SLC41A2: variants seen among roughly 807,000 people sequenced by gnomAD.
SLC41A2 encodes the protein SLC41A1-like 1.
SLC41A2 carries 32 observed loss-of-function variants against 58.3 expected under a neutral mutation model. The observed-to-expected ratio is 0.55, with a 90% CI of 0.41 to 0.74. The LOEUF (loss-of-function observed/expected upper bound fraction) is 0.74, where lower values mean the gene tolerates loss of function less well. Ranked by LOEUF, SLC41A2 falls within the 30% of genes least tolerant of loss-of-function variation. SLC41A2 has a pLI of 0.00. For synonymous variants in SLC41A2, 190 were observed against 235.0 expected (o/e 0.81, Z 1.75); for missense variants, 514 against 680.6 (o/e 0.76, Z 2.72).
chr12:104,915,685 T>C (rs2046285260), intron 2 of SLC41A2, among the ~76,000 whole-genome samples: 1 of 152,214 alleles, frequency 6.6e-6, no homozygotes, highest in African/African-American at 2.4e-5. Context: ...ATAATGGGGT[T>C]TTCTAGATAT....
chr12:104,936,745 G>C (rs1401978367), intron 1 of SLC41A2, among the ~76,000 whole-genome samples: 2 of 152,054 alleles, frequency 1.3e-5, no homozygotes, highest in Non-Finnish European at 2.9e-5. Flanking sequence ...TTTGGGTAGG[G>C]ACACAGAGCC....
chr12:104,817,595 CT>C (rs1041123286), intron 10 of SLC41A2, among the ~76,000 whole-genome samples: 7 of 150,562 alleles, frequency 4.6e-5, no homozygotes, highest in African/African-American at 9.8e-5. Context: ...TGCCTCTCCT[CT>C]TTTTTTTTCT....
intron 6 of SLC41A2, among the ~76,000 whole-genome samples, chr12:104,882,240 C>T (rs1321423032): frequency 6.6e-6 from 1 of 152,062 alleles, no homozygotes; most frequent in Admixed American, 6.5e-5. Context: ...CTCCTGAATA[C>T]AGCACACTGA....
chr12:104,834,805 C>T (rs897451662), intron 10 of SLC41A2, among the ~76,000 whole-genome samples: 6 of 152,190 alleles, frequency 3.9e-5, no homozygotes, highest in African/African-American at 1.2e-4. Flanking sequence ...AAATAAGACT[C>T]CAAGGAATAA....
At chr12:104,839,782 C>T (rs1404468079) in intron 10 of SLC41A2, among the ~76,000 whole-genome samples, 1 of 152,180 alleles carries the variant, frequency 6.6e-6, no homozygotes, top group Non-Finnish European at 1.5e-5. Context: ...GGGTTACAGG[C>T]GTAAGCCACT....
At chr12:104,955,428 A>G (rs2048125617) in intron 1 of SLC41A2, among the ~76,000 whole-genome samples, 1 of 152,170 alleles carries the variant, frequency 6.6e-6, no homozygotes, top group African/African-American at 2.4e-5. Flanking sequence ...TGTCTTCAGC[A>G]AGAATCCTGT....
chr12:104,827,398 C>T (rs1187165117), intron 10 of SLC41A2, among the ~76,000 whole-genome samples: 2 of 152,138 alleles, frequency 1.3e-5, no homozygotes, highest in African/African-American at 4.8e-5. Context: ...CCCAGGCAAG[C>T]CTACAAACCC....
chr12:104,860,936 C>CA (rs1428508126), intron 8 of SLC41A2, among the ~76,000 whole-genome samples: 1 of 152,002 alleles, frequency 6.6e-6, no homozygotes, highest in Non-Finnish European at 1.5e-5. Context: ...AATTTATCCA[C>CA]AAAAATTGAC....
chr12:104,875,155 C>T (rs1169887458), intron 6 of SLC41A2, among the ~76,000 whole-genome samples: 3 of 152,038 alleles, frequency 2.0e-5, no homozygotes, highest in Non-Finnish European at 4.4e-5. Context: ...GGGATGAATC[C>T]CACTTGGTCA....
At chr12:104,866,867 A>T (rs1163562770) in intron 6 of SLC41A2, among the ~76,000 whole-genome samples, 1 of 152,158 alleles carries the variant, frequency 6.6e-6, no homozygotes, top group African/African-American at 2.4e-5. Context: ...TAACAGTAAA[A>T]AAGCTAACAT....
chr12:104,917,215 C>T (rs1328319870), intron 2 of SLC41A2, among the ~76,000 whole-genome samples: 164 of 152,058 alleles, frequency 1.1e-3, no homozygotes, highest in Non-Finnish European at 2.0e-3. Context: ...CCAAAAAACA[C>T]GTGAAAAAAT....
Position 104,928,518 on chromosome 12 carries a change from T to C in SLC41A2, c.10A>G (p.Ser4Gly), listed in dbSNP as rs1381323882. Residue 4 changes from serine (S) to glycine (G), a missense_variant, in exon 2 of 11, where the codon AGT becomes GGT. Ser to Gly is a moderately conservative substitution (Grantham distance 56, BLOSUM62 0). Around this residue, in one of 3 missense-constraint regions of SLC41A2, gnomAD observed 336 missense variants for 430.0 expected, o/e 0.78. Transcript: ENST00000258538. MTN[S>G]KGRSITDKTS... ...TTATCGGTAATAGATCTTCCTTTAC[T>C]ATTAGTCATATTGTCATCACAAAAG... 4.0e-6 allele frequency: 6 copies of C among 1,498,888 alleles called. No individual in the cohort carries two copies. The highest frequency in any genetic ancestry group is 4.7e-5 in the Admixed American group (2 of 42,322). 92.8% of individuals were successfully genotyped at this position (1,498,888 alleles called of 1,614,324 possible).
At chr12:104,894,247 G>A (rs887938409) in intron 4 of SLC41A2, among the ~76,000 whole-genome samples, 10 of 151,818 alleles carry the variant, frequency 6.6e-5, no homozygotes, top group Non-Finnish European at 1.2e-4. Context: ...CCAGCTACTC[G>A]GGCACTCAGG....
At chr12:104,854,851 C>T (rs2042965763) in intron 8 of SLC41A2, among the ~76,000 whole-genome samples, 2 of 152,274 alleles carry the variant, frequency 1.3e-5, no homozygotes, top group Admixed American at 6.5e-5. Flanking sequence ...TTGTAAGACC[C>T]TTCATCTTAG....
chr12:104,890,183 A>C (rs2044883016), intron 4 of SLC41A2, among the ~76,000 whole-genome samples: 1 of 152,178 alleles, frequency 6.6e-6, no homozygotes, highest in South Asian at 2.1e-4. Flanking sequence ...GCTCCAAGTA[A>C]AAAATTCCTG....
At chr12:104,916,143 T>C (rs958984834) in intron 2 of SLC41A2, among the ~76,000 whole-genome samples, 1 of 152,170 alleles carries the variant, frequency 6.6e-6, no homozygotes, top group African/African-American at 2.4e-5. Flanking sequence ...GTGGATAAGC[T>C]TTTTGATGTG....
Position 104,928,400 on chromosome 12 carries a change from A to G in SLC41A2, c.128T>C (p.Leu43Ser). 6.4e-7 allele frequency: 1 copy of G among 1,566,490 alleles called. No homozygotes were observed. Among genetic ancestry groups the G allele is most frequent in the Non-Finnish European group, 8.7e-7 (1 of 1,153,910 alleles). Reference sequence around the variant, plus strand: ...CTGGTAAATCACTGGAACCATACTCAAGAGTAAATTTAAAAACTTGTCGGA... The same window carrying G: ...CTGGTAAATCACTGGAACCATACTCGAGAGTAAATTTAAAAACTTGTCGGA... ...IQSDKFLNLLLSMVPVIYQKN... is the reference protein window; with the variant it reads ...IQSDKFLNLLSSMVPVIYQKN... The change falls in exon 2 of 11, where the codon TTG becomes TCG. Residue 43 changes from leucine (L) to serine (S), a missense_variant. Leu to Ser is a moderately radical substitution (Grantham distance 145, BLOSUM62 -2). Transcript: ENST00000258538.
intron 1 of SLC41A2, among the ~76,000 whole-genome samples, chr12:104,934,487 C>T (rs1289350184): frequency 6.8e-6 from 1 of 147,290 alleles, no homozygotes; most frequent in Non-Finnish European, 1.5e-5. Context: ...AATATTTGTA[C>T]AAGACAGACG....
At chr12:104,921,174 T>G (rs1419728722) in intron 2 of SLC41A2, among the ~76,000 whole-genome samples, 1 of 151,958 alleles carries the variant, frequency 6.6e-6, no homozygotes, top group Non-Finnish European at 1.5e-5. Context: ...ATTATTCATA[T>G]TCAAGAGGGA....
Sources: gnomAD v4.1 joint callset for allele counts (sites outside exome capture counted in the v4.1 genomes callset) on GRCh38, gnomAD v4.1.1 for gene constraint, gnomAD v4.1.1 regional missense constraint, MANE v1.5 for transcripts, NCBI Gene and HGNC (gene_info 2026-07-23, HGNC 2026-07-21) for gene names.